DST: variants seen among roughly 807,000 people sequenced by gnomAD.
DST encodes the protein dystonin, also known as bullous pemphigoid antigen.
In DST, 253 loss-of-function variants were observed where a neutral mutation model predicts 875.2. The observed-to-expected ratio is 0.29, with a 90% CI of 0.26 to 0.32. The LOEUF (loss-of-function observed/expected upper bound fraction) is 0.32, where lower values mean the gene tolerates loss of function less well. Among genes scored for constraint, DST ranks in the 10% least tolerant of loss-of-function variants. DST has a pLI of 1.00. For synonymous variants in DST, 3,124 were observed against 3,197.1 expected, an observed-to-expected ratio of 0.98 and a Z score of 0.77; for missense variants, 8,287 against 9,111.6, an observed-to-expected ratio of 0.91 and a Z score of 3.68.
chr6:56,724,727 A>G (rs2099440444), intron 5 of DST, among the ~76,000 whole-genome samples: 1 of 152,374 alleles, frequency 6.6e-6, no homozygotes, highest in Non-Finnish European at 1.5e-5. Context: ...CACAGAAAAC[A>G]CATTCCTTAT....
chr6:56,881,100 C>T (rs958792081), intron 3 of DST, among the ~76,000 whole-genome samples: 39 of 151,898 alleles, frequency 2.6e-4, no homozygotes, highest in Non-Finnish European at 5.4e-4. Flanking sequence ...CCACCCGCCT[C>T]GGTCTCCCGA....
chr6:56,819,512 T>G (rs1447852437), intron 4 of DST, among the ~76,000 whole-genome samples: 1 of 152,198 alleles, frequency 6.6e-6, no homozygotes, highest in Non-Finnish European at 1.5e-5. Flanking sequence ...AGGAAAAAAG[T>G]AATTTATTAG....
At chr6:56,833,521 C>T (rs1467437647) in intron 4 of DST, among the ~76,000 whole-genome samples, 1 of 152,090 alleles carries the variant, frequency 6.6e-6, no homozygotes, top group African/African-American at 2.4e-5. Flanking sequence ...TCAGTGTATG[C>T]TTAAAATAGA....
In DST at chr6:56,624,673, TCTTA is replaced by T. The variant is rs757717503; in HGVS notation, c.4831-49_4831-46del. On this transcript the variant is annotated intron_variant, in intron 35 of 103. Transcript: ENST00000680361. ...TAATAAAAGCATTACCTCCAGTTAC[TCTTA>T]CTAAGTTGAATGAATTTTGAATAAT... 4.7e-6 allele frequency: 6 copies of T among 1,281,184 alleles called. No homozygotes were observed. In the Admixed American group the frequency reaches 6.8e-5, roughly 14 times the overall value. The allele number at this position is 1,281,184 out of a possible 1,614,324, so 79.4% of individuals were successfully genotyped here. A position where few individuals can be genotyped will look rare whatever the true frequency, so the allele number is the denominator to read the frequency against.
Position 56,604,962 on chromosome 6 carries a change from A to G in DST, c.9666T>C (p.Val3222=), listed in dbSNP as rs572960873. ...TAGTGGACTTCTCTTTTGTATTATT[A>G]ACTCCTAATTGTAAATGTTCTTTCA... ...PPMKEHLQLG[V]NNTKEKSTST... The change falls in exon 40 of 104, where the codon GTT becomes GTC. Residue 3222 remains valine (V), a synonymous_variant. Coordinates refer to ENST00000680361, the MANE Select transcript of DST (RefSeq NM_001374736.1). 6.2e-7 allele frequency: 1 copy of G among 1,612,830 alleles called. No individual in the cohort carries two copies. Among genetic ancestry groups the G allele is most frequent in the South Asian group, 1.1e-5 (1 of 91,036 alleles).
chr6:56,546,306 T>C (rs2097218278), intron 61 of DST, among the ~76,000 whole-genome samples: 1 of 142,662 alleles, frequency 7.0e-6, no homozygotes, highest in Admixed American at 7.2e-5. Context: ...CAGAAGATGA[T>C]TCTATATATA....
chr6:56,698,328 A>AT (rs1563742342), intron 9 of DST, among the ~76,000 whole-genome samples: 35 of 151,232 alleles, frequency 2.3e-4, no homozygotes, highest in Admixed American at 7.2e-4. Flanking sequence ...AAAAAAAAAA[A>AT]ATTTTTTTTT....
rs1378956203 is a variant in DST at position 56,615,975 on chromosome 6, A to C, written c.4930-1491T>G. On this transcript the variant is annotated intron_variant, in intron 36 of 103. Transcript: ENST00000680361. ...CTATGCAAAGCTTCGGCCACCCGGT[A>C]CTTTTTGCCAGTAAGAGGATCAATT... 5 of 1,614,084 alleles carry C rather than the reference A, an allele frequency of 3.1e-6. No homozygotes were observed. Among genetic ancestry groups the C allele is most frequent in the Non-Finnish European group, 4.2e-6 (5 of 1,180,050 alleles).
intron 5 of DST, 104 bp from the exon 6 acceptor site, chr6:56,704,473 T>G (rs2099324726): frequency 1.7e-6 from 1 of 591,158 alleles, no homozygotes; most frequent in African/African-American, 2.0e-5. Context: ...CACATGGTAT[T>G]CATTCATGCA....
At position 56,917,009 on chromosome 6, in the gene DST, A is replaced by AAAAAAAC. The variant is rs1554257754; in HGVS notation, c.217-16389_217-16388insGTTTTTT. Among the ~76,000 whole-genome samples the AAAAAAAC allele has an allele frequency of 2.2e-4, 22 of 99,916 alleles. 1 individual carries two copies. Among genetic ancestry groups the AAAAAAAC allele is most frequent in the African/African-American group, 8.3e-4 (21 of 25,224 alleles). 65.5% of individuals were successfully genotyped at this position (99,916 alleles called of 152,430 possible). A position where few individuals can be genotyped will look rare whatever the true frequency, so the allele number is the denominator to read the frequency against. ...TGCTAAAAAAAAAAAAAAAAAAAAA[A>AAAAAAAC]AAAAAAAAGACAGGCAGAGGCTCCT... On this transcript the variant is annotated intron_variant, in intron 2 of 103. Transcript: ENST00000680361.
At position 56,560,332 on chromosome 6, in the gene DST, G is replaced by A; in HGVS notation, c.14402C>T (p.Pro4801Leu). The A allele has an allele frequency of 1.2e-6, 2 of 1,611,176 alleles. No individual in the cohort carries two copies. Among genetic ancestry groups the A allele is most frequent in the Non-Finnish European group, 1.7e-6 (2 of 1,178,544 alleles). ...TELLEENPDTPEAPRWKQMLT... is the reference protein window; with the variant it reads ...TELLEENPDTLEAPRWKQMLT... ...CATCTGTTTCCATCTGGGGGCCTCA[G>A]GAGTATCTGGGTTCTCCTCCAACAG... Residue 4801 changes from proline (P) to leucine (L), a missense_variant, in exon 58 of 104, where the codon CCT becomes CTT. By Grantham distance (98) the Pro-to-Leu change is moderately conservative. This residue lies in a region of DST where 1,513 missense variants were observed against 1,677.8 expected (regional missense o/e 0.90). Coordinates refer to ENST00000680361, the MANE Select transcript of DST (RefSeq NM_001374736.1).
At chr6:56,905,003 T>A (rs1795753751) in intron 2 of DST, among the ~76,000 whole-genome samples, 1 of 152,216 alleles carries the variant, frequency 6.6e-6, no homozygotes, top group Admixed American at 6.5e-5. Flanking sequence ...TTGGCCAGTA[T>A]GGTCTTGATC....
chr6:56,474,791 T>A (rs1347155756), intron 92 of DST, among the ~76,000 whole-genome samples: 1 of 151,762 alleles, frequency 6.6e-6, no homozygotes, highest in Non-Finnish European at 1.5e-5. Flanking sequence ...AGTGAAACCC[T>A]GTCTCTACAA....
At chr6:56,662,633 C>T (rs1440114385) in intron 10 of DST, among the ~76,000 whole-genome samples, 1 of 152,106 alleles carries the variant, frequency 6.6e-6, no homozygotes, top group African/African-American at 2.4e-5. Context: ...CTATACCTTA[C>T]ATCACATCTA....
intron 78 of DST, among the ~76,000 whole-genome samples, chr6:56,503,775 TATTA>T (rs1241846386): frequency 2.0e-5 from 3 of 152,156 alleles, no homozygotes; most frequent in Non-Finnish European, 2.9e-5. Context: ...TACGAACAGT[TATTA>T]ATTGACTATA....
At chr6:56,746,389 T>C (rs547413784) in intron 4 of DST, among the ~76,000 whole-genome samples, 2 of 152,324 alleles carry the variant, frequency 1.3e-5, no homozygotes, top group African/African-American at 4.8e-5. Context: ...TACTTGCTTA[T>C]ATATGATTAG....
At chr6:56,553,725 TA>T in intron 60 of DST, 70 bp from the exon 61 acceptor site, 1 of 1,395,434 alleles carries the variant, frequency 7.2e-7, no homozygotes, top group East Asian at 2.5e-5. Flanking sequence ...AAAGCCAAAA[TA>T]AAAATCTCTG....
At chr6:56,706,794 A>G (rs2099341506) in intron 5 of DST, among the ~76,000 whole-genome samples, 1 of 152,194 alleles carries the variant, frequency 6.6e-6, no homozygotes, top group Admixed American at 6.5e-5. Context: ...TGAGGTCAGG[A>G]GTTCGAGACC....
At chr6:56,569,647 T>C (rs1030230776) in intron 54 of DST, among the ~76,000 whole-genome samples, 5 of 152,160 alleles carry the variant, frequency 3.3e-5, no homozygotes, top group African/African-American at 1.2e-4. Context: ...TCACCTTTTT[T>C]TAAAAAAGCA....
Sources: allele counts gnomAD v4.1 joint callset (sites outside exome capture counted in the v4.1 genomes callset), GRCh38; gene constraint gnomAD v4.1.1; regional missense constraint gnomAD v4.1.1; transcripts MANE v1.5; gene names NCBI Gene and HGNC (gene_info 2026-07-23, HGNC 2026-07-21).